Variants in MED14 observed in about 807,000 individuals in gnomAD.
The protein encoded by MED14 is mediator complex subunit 14, also known as mediator of RNA polymerase II transcription subunit 14.
MED14 carries 8 observed loss-of-function variants against 109.0 expected under a neutral mutation model. That is an observed-to-expected ratio of 0.07 (90% confidence interval 0.04 to 0.13). The LOEUF is 0.13. MED14 is among the 10% of genes least tolerant of loss of function. MED14 has a pLI of 1.00. For synonymous variants in MED14, 399 were observed against 408.7 expected, an observed-to-expected ratio of 0.98 and a Z score of 0.29; for missense variants, 711 against 1,142.4, an observed-to-expected ratio of 0.62 and a Z score of 5.44.
At chrX:40,683,438 C>G (rs1393927467) in intron 16 of MED14, among the ~76,000 whole-genome samples, 5 of 112,245 alleles carry the variant, frequency 4.5e-5, no homozygotes, top group Non-Finnish European at 3.8e-5. Context: ...TTTAATGTCT[C>G]TGAATTTCCC....
At chrX:40,735,064 G>C in intron 1 of MED14, 134 bp downstream of exon 1, 1 of 399,527 alleles carries the variant, frequency 2.5e-6, no homozygotes, top group Admixed American at 6.0e-5. Context: ...CTGAACCCCA[G>C]GAGTTCAAAA....
In MED14 at chrX:40,703,441, T is replaced by C; in HGVS notation, c.1411+3A>G. The C allele has an allele frequency of 8.4e-7, 1 of 1,186,609 alleles. No individual in the cohort carries two copies. The highest frequency in any genetic ancestry group is 1.1e-6 in the Non-Finnish European group (1 of 877,127). On this transcript the variant is annotated splice_donor_region_variant and intron_variant, in intron 11 of 30. Transcript: ENST00000324817. ...TGAATGATTATATCATTTAGTAACT[T>C]ACCAAGTCCATAAAGCATCAATTGA... is the stretch of plus-strand genomic sequence containing the variant.
At chrX:40,656,777 T>C (rs763259973) in intron 28 of MED14, among the ~76,000 whole-genome samples, 9 of 112,708 alleles carry the variant, frequency 8.0e-5, no homozygotes, top group Non-Finnish European at 1.3e-4. Context: ...CCAAGATTTG[T>C]TCAGTGAATA....
chrX:40,731,013 T>C (rs1190640003), intron 1 of MED14, among the ~76,000 whole-genome samples: 3 of 107,432 alleles, frequency 2.8e-5, no homozygotes, highest in African/African-American at 1.0e-4. Context: ...CCAAGTGTGG[T>C]GGCAAGTAGT....
At chrX:40,684,614 C>T (rs1930234688) in intron 16 of MED14, among the ~76,000 whole-genome samples, 1 of 112,414 alleles carries the variant, frequency 8.9e-6, no homozygotes, top group African/African-American at 3.2e-5. Flanking sequence ...TTACCCCTCA[C>T]GACATAGCCC....
intron 10 of MED14, 101 bp from the exon 11 acceptor site, chrX:40,703,670 C>G: frequency 1.5e-6 from 1 of 677,020 alleles, no homozygotes; most frequent in Non-Finnish European, 2.1e-6. Flanking sequence ...TTGAAGGATC[C>G]TAAATGTTAG....
At chrX:40,665,715 G>A (rs1350968472) in intron 24 of MED14, among the ~76,000 whole-genome samples, 1 of 112,248 alleles carries the variant, frequency 8.9e-6, no homozygotes, top group Non-Finnish European at 1.9e-5. Context: ...TTGTATGATG[G>A]CATGGGAAAT....
chrX:40,711,103 G>GAAA, intron 8 of MED14, 66 bp downstream of exon 8: 1 of 1,109,302 alleles, frequency 9.0e-7, no homozygotes, highest in Non-Finnish European at 1.2e-6. Flanking sequence ...ATGTATGAGA[G>GAAA]AAAAAGAGAA....
intron 7 of MED14, among the ~76,000 whole-genome samples, chrX:40,711,590 A>G (rs1019771876): frequency 9.0e-6 from 1 of 110,729 alleles, no homozygotes; most frequent in African/African-American, 3.3e-5. Context: ...AAATAGTACT[A>G]TTTTTTTCAC....
chrX:40,733,982 T>C (rs761827777), intron 1 of MED14, among the ~76,000 whole-genome samples: 1 of 112,099 alleles, frequency 8.9e-6, no homozygotes, highest in Non-Finnish European at 1.9e-5. Context: ...ATAAGCCAAG[T>C]CCTAAAATAG....
chrX:40,732,782 A>C (rs1470030668), intron 1 of MED14, among the ~76,000 whole-genome samples: 1 of 111,698 alleles, frequency 9.0e-6, no homozygotes, highest in Non-Finnish European at 1.9e-5. Context: ...CCTGTCTCAA[A>C]AATAAAAAAG....
Position 40,735,331 on chromosome X carries a change from G to C in MED14, c.82C>G (p.Pro28Ala), listed in dbSNP as rs1932221560. 1.8e-6 allele frequency: 2 copies of C among 1,090,038 alleles called. No homozygotes were observed. Among genetic ancestry groups the C allele is most frequent in the Admixed American group, 3.9e-5 (1 of 25,644 alleles). The allele number at this position is 1,090,038 out of a possible 1,213,427, so 89.8% of individuals were successfully genotyped here. The change falls in exon 1 of 31, where the codon CCA (proline) becomes GCA (alanine). Residue 28 changes from proline to alanine, a missense_variant. Coordinates refer to ENST00000324817, the MANE Select transcript of MED14 (RefSeq NM_004229.4). The part of the protein sequence containing the change: ...GGGSGGPPSA[P>A]APPPPGAAVA... ...GCGGCTCCCGGGGGAGGAGGGGCTG[G>C]GGCTGACGGGGGTCCGCCGCTGCCC...
rs1128513 is a variant in MED14, at chrX:40,651,521, A to G, written c.*285T>C. 0.3 allele frequency: 245,909 copies of G among 832,445 alleles called. 27,769 individuals are homozygous for G. Among genetic ancestry groups the G allele is most frequent in the Middle Eastern group, 0.32 (558 of 1,737 alleles). 68.6% of individuals were successfully genotyped at this position (832,445 alleles called of 1,213,427 possible). A position where few individuals can be genotyped will look rare whatever the true frequency, so the allele number is the denominator to read the frequency against. On this transcript the variant is annotated 3_prime_UTR_variant, in exon 31 of 31. Coordinates refer to ENST00000324817, the MANE Select transcript of MED14 (RefSeq NM_004229.4). The stretch of plus-strand genomic sequence containing the variant: ...AAATAAACAAGTTTGGCATTTTCAT[A>G]ACTTTATAGTATAAAACAGAATATT...
chrX:40,701,633 CA>C (rs1930940966), intron 11 of MED14, among the ~76,000 whole-genome samples: 1 of 111,251 alleles, frequency 9.0e-6, no homozygotes, highest in Non-Finnish European at 1.9e-5. Flanking sequence ...ATCATAAAAA[CA>C]AAAAACTCCA....
intron 11 of MED14, 51 bp downstream of exon 11, chrX:40,703,393 G>T (rs1005774366): frequency 1.9e-6 from 2 of 1,061,217 alleles, no homozygotes; most frequent in Non-Finnish European, 2.6e-6. Context: ...TTTTGTTTTT[G>T]TTAAAAATAA....
At chrX:40,706,930 A>T (rs1931165880) in intron 10 of MED14, among the ~76,000 whole-genome samples, 1 of 112,056 alleles carries the variant, frequency 8.9e-6, no homozygotes, top group South Asian at 3.7e-4. Flanking sequence ...TTGAAAAATT[A>T]GAAAAATTAA....
intron 1 of MED14, among the ~76,000 whole-genome samples, chrX:40,732,537 G>C (rs1342370016): frequency 9.9e-6 from 1 of 101,372 alleles, no homozygotes; most frequent in South Asian, 4.3e-4. Flanking sequence ...AAAAAGGTTT[G>C]GGAGGCAGAG....
chrX:40,651,422 A>C lies in MED14; in HGVS notation c.*384T>G. ...TATCACAGTTTTACAGTATTCAAAA[A>C]TGACAGACCTGCCTTAAAAAACAAA... On this transcript the variant is annotated 3_prime_UTR_variant, in exon 31 of 31. Transcript: ENST00000324817. The C allele has an allele frequency of 1.3e-6, 1 of 760,727 alleles. No homozygotes were observed. The highest frequency in any genetic ancestry group is 1.6e-6 in the Non-Finnish European group (1 of 643,518). The allele number at this position is 760,727 out of a possible 1,213,427, so 62.7% of individuals were successfully genotyped here. A position where few individuals can be genotyped will look rare whatever the true frequency, so the allele number is the denominator to read the frequency against.
At chrX:40,655,617 T>G (rs1929027729) in intron 28 of MED14, among the ~76,000 whole-genome samples, 1 of 112,507 alleles carries the variant, frequency 8.9e-6, no homozygotes, top group African/African-American at 3.2e-5. Context: ...TCCAACTCTT[T>G]GCCTAAACAA....
Sources: allele counts gnomAD v4.1 joint callset (sites outside exome capture counted in the v4.1 genomes callset), GRCh38; gene constraint gnomAD v4.1.1; transcripts MANE v1.5; gene names NCBI Gene and HGNC (gene_info 2026-07-23, HGNC 2026-07-21).